The following PELO variants were observed in gnomAD, a reference collection of about 807,000 sequenced individuals.
PELO encodes protein pelota homolog.
In PELO, 19 loss-of-function variants were observed where a neutral mutation model predicts 25.9. The ratio of observed to expected loss-of-function variants is 0.73; its 90% CI spans 0.51 to 1.08. The LOEUF (loss-of-function observed/expected upper bound fraction) is 1.08, where lower values mean the gene tolerates loss of function less well. PELO is among the 50% of genes least tolerant of loss of function. The pLI is 0.00. For missense variants in PELO, 498 were observed against 491.4 expected, an observed-to-expected ratio of 1.01 and a Z score of -0.13; for synonymous variants, 196 against 192.2, an observed-to-expected ratio of 1.02 and a Z score of -0.16.
In PELO at chr5:52,801,680, T is replaced by TGGACAGTGTGAAAGAGAATGCA. The variant is rs768141325; in HGVS notation, c.1001_1022dup (p.Thr342GlnfsTer10). 8 of 1,614,042 alleles carry TGGACAGTGTGAAAGAGAATGCA rather than the reference T, an allele frequency of 5.0e-6. No individual in the cohort carries two copies. Among genetic ancestry groups the TGGACAGTGTGAAAGAGAATGCA allele is most frequent in the Non-Finnish European group, 5.1e-6 (6 of 1,180,032 alleles). On this transcript the variant is annotated frameshift_variant, in exon 3 of 3. Coordinates refer to ENST00000274311, the MANE Select transcript of PELO (RefSeq NM_015946.5). LOFTEE classifies it high-confidence loss of function. ...ACACGGAGCCGGTATGTGAGGCTGG[T>TGGACAGTGTGAAAGAGAATGCA]GGACAGTGTGAAAGAGAATGCAGGC...
chr5:52,791,340 T>C (rs73092764), intron 1 of PELO, among the ~76,000 whole-genome samples: 9,876 of 152,210 alleles, frequency 0.065, 1,071 homozygotes, highest in African/African-American at 0.22. Context: ...TGACCATTCC[T>C]AGGCCTGAGG....
In PELO at chr5:52,803,517, C is replaced by CT. The variant is rs1480203681; in HGVS notation, c.*1677_*1678insT. On this transcript the variant is annotated 3_prime_UTR_variant, in exon 3 of 3. Transcript: ENST00000274311. ...TGAGGTCTAATAAATATAACCAATACATGTTAGGCCATAGGTTCTTAAATT... is the reference window on the plus strand; with the variant it reads ...TGAGGTCTAATAAATATAACCAATACTATGTTAGGCCATAGGTTCTTAAATT... 6 of 152,118 alleles carry CT rather than the reference C, an allele frequency of 3.9e-5. No individual in the cohort carries two copies. The highest frequency in any genetic ancestry group is 1.2e-4 in the African/African-American group (5 of 41,414). The allele number at this position is 152,118 out of a possible 1,614,324, so 9.4% of individuals were successfully genotyped here. A position where few individuals can be genotyped will look rare whatever the true frequency, so the allele number is the denominator to read the frequency against.
rs1748481047 is a variant in PELO at position 52,801,421 on chromosome 5, T to G, written c.739T>G (p.Ser247Ala). The stretch of plus-strand genomic sequence containing the variant: ...ATTGTGATTCTAGGTACATGCCTCC[T>G]CCGGACACAAGTACTCCCTGAAAGA... Reference protein sequence around the residue: ...RSKFLQVHASSGHKYSLKEAL... With the variant: ...RSKFLQVHASAGHKYSLKEAL... The change falls in exon 3 of 3, where the codon TCC becomes GCC. Residue 247 changes from serine (S) to alanine (A), a missense_variant. Ser to Ala is a moderately conservative substitution (Grantham distance 99, BLOSUM62 1). Coordinates refer to ENST00000274311, the MANE Select transcript of PELO (RefSeq NM_015946.5). 2 of 1,612,270 alleles carry G rather than the reference T, an allele frequency of 1.2e-6. No homozygotes were observed. Among genetic ancestry groups the G allele is most frequent in the Non-Finnish European group, 1.7e-6 (2 of 1,178,766 alleles).
chr5:52,800,847 A>G lies in PELO; in HGVS notation c.453A>G (p.Leu151=). The change falls in exon 2 of 3, where the codon TTA becomes TTG. Residue 151 remains leucine (L), a synonymous_variant. Coordinates refer to ENST00000274311, the MANE Select transcript of PELO (RefSeq NM_015946.5). ...AGGAAGGCCTCGCCCATATCTGCTT[A>G]GTCACTCCCAGCATGACCCTCACTC... ...VMQEGLAHIC[L]VTPSMTLTRA... 1 of 1,609,174 alleles carries G rather than the reference A, an allele frequency of 6.2e-7. No homozygotes were observed. Among genetic ancestry groups the G allele is most frequent in the Middle Eastern group, 1.7e-4 (1 of 6,026 alleles).
At chr5:52,794,235 T>A (rs894684855) in intron 1 of PELO, among the ~76,000 whole-genome samples, 17 of 151,992 alleles carry the variant, frequency 1.1e-4, no homozygotes, top group African/African-American at 4.1e-4. Context: ...TGCAAATTCT[T>A]AAATTTAAAT....
intron 1 of PELO, among the ~76,000 whole-genome samples, chr5:52,789,023 C>T (rs765237744): frequency 8.5e-5 from 13 of 152,170 alleles, no homozygotes; most frequent in Non-Finnish European, 1.6e-4. Context: ...GTAAATATCA[C>T]AGGGCAGTCT....
intron 1 of PELO, among the ~76,000 whole-genome samples, chr5:52,796,399 CTGATAT>C (rs1172829193): frequency 1.3e-5 from 2 of 151,972 alleles, no homozygotes; most frequent in Admixed American, 1.3e-4. Flanking sequence ...AAGATTTATA[CTGATAT>C]AAAGTTACTG....
Position 52,800,662 on chromosome 5 carries a change from G to A in PELO, c.268G>A (p.Glu90Lys). Residue 90 changes from glutamate (E) to lysine (K), a missense_variant, in exon 2 of 3, where the codon GAG (glutamate) becomes AAG (lysine). Physicochemically the swap from Glu to Lys is moderately conservative, Grantham distance 56 (BLOSUM62 1). Coordinates refer to ENST00000274311, the MANE Select transcript of PELO (RefSeq NM_015946.5). The part of the protein sequence containing the change: ...QLRVKGTNIQ[E>K]NEYVKMGAYH... ...GCGGGTTAAGGGGACCAACATCCAA[G>A]AGAATGAGTATGTCAAGATGGGGGC... 1 of 1,614,174 alleles carries A rather than the reference G, an allele frequency of 6.2e-7. No homozygotes were observed. The highest frequency in any genetic ancestry group is 8.5e-7 in the Non-Finnish European group (1 of 1,180,038).
chr5:52,800,242 G>C lies in PELO; in HGVS notation c.-153G>C. The stretch of plus-strand genomic sequence containing the variant: ...GGAAGTGCTGCCCTAGGCTGCATGA[G>C]TCGAAGCAAGCGTGTTTCCTTCCCG... On this transcript the variant is annotated 5_prime_UTR_variant, in exon 2 of 3. Transcript: ENST00000274311. 1 of 712,672 alleles carries C rather than the reference G, an allele frequency of 1.4e-6. No homozygotes were observed. Among genetic ancestry groups the C allele is most frequent in the Non-Finnish European group, 2.3e-6 (1 of 425,932 alleles). 44.1% of individuals were successfully genotyped at this position (712,672 alleles called of 1,614,324 possible).
At position 52,800,330 on chromosome 5, in the gene PELO, TC is replaced by T; in HGVS notation, c.-62del. ...TCCTGGCCTGCATTCCCATCCCCTCTCCCGGGGCGGAGGTGAGGACCTCCTT... is the reference window on the plus strand; with the variant it reads ...TCCTGGCCTGCATTCCCATCCCCTCTCCGGGGCGGAGGTGAGGACCTCCTT... On this transcript the variant is annotated 5_prime_UTR_variant, in exon 2 of 3. Transcript: ENST00000274311. 6.3e-7 allele frequency: 1 copy of T among 1,585,482 alleles called. No individual in the cohort carries two copies. Among genetic ancestry groups the T allele is most frequent in the Non-Finnish European group, 8.6e-7 (1 of 1,160,786 alleles).
chr5:52,793,870 T>C (rs934228168), intron 1 of PELO, among the ~76,000 whole-genome samples: 1 of 152,066 alleles, frequency 6.6e-6, no homozygotes, highest in East Asian at 1.9e-4. Flanking sequence ...AATGTTCCAG[T>C]TGCACAGGAT....
At position 52,800,545 on chromosome 5, in the gene PELO, T is replaced by G; in HGVS notation, c.151T>G (p.Ser51Ala). ...ASTIRKVQTE[S>A]STGSVGSNRV... Reference sequence around the variant, plus strand: ...CACCATCCGCAAGGTACAGACAGAGTCCTCCACGGGCAGCGTGGGCAGCAA... The same window carrying G: ...CACCATCCGCAAGGTACAGACAGAGGCCTCCACGGGCAGCGTGGGCAGCAA... Residue 51 changes from serine to alanine, a missense_variant, in exon 2 of 3, where the codon TCC becomes GCC. Transcript: ENST00000274311. 6.2e-7 allele frequency: 1 copy of G among 1,613,798 alleles called. No individual in the cohort carries two copies. Among genetic ancestry groups the G allele is most frequent in the Non-Finnish European group, 8.5e-7 (1 of 1,179,924 alleles).
chr5:52,789,047 A>G (rs1748186769), intron 1 of PELO, among the ~76,000 whole-genome samples: 1 of 152,256 alleles, frequency 6.6e-6, no homozygotes, highest in African/African-American at 2.4e-5. Flanking sequence ...TTTAAGATGC[A>G]AAATATAGTA....
chr5:52,788,066 T>G lies in PELO; in HGVS notation c.-859T>G. 2.6e-6 allele frequency: 1 copy of G among 383,932 alleles called. No individual in the cohort carries two copies. Among genetic ancestry groups the G allele is most frequent in the Non-Finnish European group, 4.7e-6 (1 of 214,168 alleles). The allele number at this position is 383,932 out of a possible 1,614,324, so 23.8% of individuals were successfully genotyped here. On this transcript the variant is annotated 5_prime_UTR_variant, in exon 1 of 3. Transcript: ENST00000274311. ...GAAGCTGGCTTTATTTGTCCATGTCTCGGACAGAGCCTGGGAAGCTGCCAG... is the reference window on the plus strand; with the variant it reads ...GAAGCTGGCTTTATTTGTCCATGTCGCGGACAGAGCCTGGGAAGCTGCCAG...
At chr5:52,799,404 A>G (rs1274179933) in intron 1 of PELO, among the ~76,000 whole-genome samples, 2 of 152,030 alleles carry the variant, frequency 1.3e-5, no homozygotes, top group African/African-American at 4.8e-5. Context: ...CCAACCCCCA[A>G]CCTAAACATT....
In PELO at chr5:52,800,144, T is replaced by G. The variant is rs868452784; in HGVS notation, c.-251T>G. 1.9e-6 allele frequency: 1 copy of G among 523,342 alleles called. No individual in the cohort carries two copies. The highest frequency in any genetic ancestry group is 3.5e-6 in the Non-Finnish European group (1 of 289,044). The allele number at this position is 523,342 out of a possible 1,614,324, so 32.4% of individuals were successfully genotyped here. A position where few individuals can be genotyped will look rare whatever the true frequency, so the allele number is the denominator to read the frequency against. On this transcript the variant is annotated 5_prime_UTR_variant, in exon 2 of 3. Transcript: ENST00000274311. Reference sequence around the variant, plus strand: ...GCTGCCAGCGGGAACTGTGTAGGGGTAGATTTTCGCTGCAGTGTTCCCCGA... The same window carrying G: ...GCTGCCAGCGGGAACTGTGTAGGGGGAGATTTTCGCTGCAGTGTTCCCCGA...
At position 52,800,996 on chromosome 5, in the gene PELO, T is replaced by C. The variant is rs565843408; in HGVS notation, c.602T>C (p.Val201Ala). Reference sequence around the variant, plus strand: ...ATCCAGCGCCACATACACTTTGATGTTGTAAAGTGCATCCTGGTGGCCAGC... The same window carrying C: ...ATCCAGCGCCACATACACTTTGATGCTGTAAAGTGCATCCTGGTGGCCAGC... ...QAIQRHIHFD[V>A]VKCILVASPG... The change falls in exon 2 of 3, where the codon GTT (valine) becomes GCT (alanine). Residue 201 changes from valine (V) to alanine (A), a missense_variant. By Grantham distance (64) the Val-to-Ala change is moderately conservative. Transcript: ENST00000274311. The C allele has an allele frequency of 6.2e-7, 1 of 1,614,128 alleles. No individual in the cohort carries two copies. The highest frequency in any genetic ancestry group is 2.2e-5 in the East Asian group (1 of 44,872).
chr5:52,788,338 T>C lies in PELO; in HGVS notation c.-587T>C. On this transcript the variant is annotated 5_prime_UTR_variant, in exon 1 of 3. Coordinates refer to ENST00000274311, the MANE Select transcript of PELO (RefSeq NM_015946.5). ...GCGAACCAGCGCGGCCCCCTGGCGC[T>C]GAGGCTGCTCCGGCCATGGCCCCTC... The C allele has an allele frequency of 6.7e-7, 1 of 1,498,508 alleles. No individual in the cohort carries two copies. The highest frequency in any genetic ancestry group is 8.9e-7 in the Non-Finnish European group (1 of 1,129,384). 92.8% of individuals were successfully genotyped at this position (1,498,508 alleles called of 1,614,324 possible). A position where few individuals can be genotyped will look rare whatever the true frequency, so the allele number is the denominator to read the frequency against.
At chr5:52,795,710 TC>T in intron 1 of PELO, among the ~76,000 whole-genome samples, 1 of 151,944 alleles carries the variant, frequency 6.6e-6, no homozygotes, top group Non-Finnish European at 1.5e-5. Context: ...TTTTGTCTGA[TC>T]CAGTTTTCTA....
Sources: gnomAD v4.1 joint callset for allele counts (sites outside exome capture counted in the v4.1 genomes callset) on GRCh38, gnomAD v4.1.1 for gene constraint, MANE v1.5 for transcripts, NCBI Gene and HGNC (gene_info 2026-07-23, HGNC 2026-07-21) for gene names.